The following SYT9 variants were observed in gnomAD, a reference collection of about 807,000 sequenced individuals.
The protein encoded by SYT9 is synaptotagmin-9.
In SYT9, 22 loss-of-function variants were observed where a neutral mutation model predicts 48.4. The observed-to-expected ratio is 0.45, with a 90% CI of 0.32 to 0.65. The LOEUF is 0.65. Among genes scored for constraint, SYT9 ranks in the 30% least tolerant of loss-of-function variants. The probability of loss-of-function intolerance (pLI) is 0.03; values close to 1 mark genes in which losing one functional copy is unlikely to be tolerated. For synonymous variants in SYT9, 265 were observed against 245.0 expected, an observed-to-expected ratio of 1.08 and a Z score of -0.76; for missense variants, 577 against 622.0, an observed-to-expected ratio of 0.93 and a Z score of 0.77.
intron 1 of SYT9, chr11:7,238,969 G>A (rs1423989659): frequency 2.2e-6 from 1 of 455,568 alleles, no homozygotes; most frequent in Non-Finnish European, 4.4e-6. Flanking sequence ...GTGGATGGCT[G>A]TGCCTGCACC....
At chr11:7,263,503 T>C (rs1375378646) in intron 1 of SYT9, among the ~76,000 whole-genome samples, 1 of 151,900 alleles carries the variant, frequency 6.6e-6, no homozygotes, top group Non-Finnish European at 1.5e-5. Context: ...AAGGGGTGAA[T>C]AAAAATAGAA....
At chr11:7,257,343 TATC>T (rs1471617946) in intron 1 of SYT9, among the ~76,000 whole-genome samples, 1 of 152,114 alleles carries the variant, frequency 6.6e-6, no homozygotes, top group Non-Finnish European at 1.5e-5. Context: ...TCATTGAACA[TATC>T]ATAAGGCTCT....
At chr11:7,343,381 C>G (rs1344493655) in intron 3 of SYT9, among the ~76,000 whole-genome samples, 2 of 152,144 alleles carry the variant, frequency 1.3e-5, no homozygotes, top group Admixed American at 6.5e-5. Context: ...TTTTTTCTGC[C>G]AGATACCCTA....
At chr11:7,376,763 T>C (rs2134039076) in intron 3 of SYT9, among the ~76,000 whole-genome samples, 1 of 152,070 alleles carries the variant, frequency 6.6e-6, no homozygotes, top group South Asian at 2.1e-4. Flanking sequence ...CTCATAGGAA[T>C]TTTTAACACA....
At chr11:7,402,164 T>C (rs1042663670) in intron 3 of SYT9, among the ~76,000 whole-genome samples, 4 of 152,190 alleles carry the variant, frequency 2.6e-5, no homozygotes, top group African/African-American at 9.6e-5. Context: ...TATGAGTAAA[T>C]TTTAATTTCA....
intron 1 of SYT9, among the ~76,000 whole-genome samples, chr11:7,287,767 A>G (rs1848622826): frequency 6.6e-6 from 1 of 152,084 alleles, no homozygotes; most frequent in South Asian, 2.1e-4. Flanking sequence ...TTTAACTGCA[A>G]CTTTTTCTTT....
At chr11:7,263,128 T>C (rs1200200328) in intron 1 of SYT9, among the ~76,000 whole-genome samples, 3 of 152,106 alleles carry the variant, frequency 2.0e-5, no homozygotes, top group Non-Finnish European at 4.4e-5. Flanking sequence ...AACCAAAAAA[T>C]CTAGATGAGC....
intron 6 of SYT9, among the ~76,000 whole-genome samples, chr11:7,433,969 C>T (rs367954999): frequency 3.4e-4 from 52 of 152,236 alleles, no homozygotes; most frequent in African/African-American, 1.3e-3. Context: ...AAGAGAAAGA[C>T]AGGAATTGGA....
intron 1 of SYT9, among the ~76,000 whole-genome samples, chr11:7,294,588 C>G (rs538149939): frequency 6.6e-6 from 1 of 152,148 alleles, no homozygotes; most frequent in African/African-American, 2.4e-5. Context: ...GGTAACAGGT[C>G]CTGGGTAAGT....
intron 2 of SYT9, among the ~76,000 whole-genome samples, chr11:7,307,615 C>T (rs1849056383): frequency 1.3e-5 from 2 of 152,202 alleles, no homozygotes; most frequent in African/African-American, 4.8e-5. Context: ...AAAAGACCCA[C>T]AGCAAGAGCA....
At position 7,369,794 on chromosome 11, in the gene SYT9, AACACACACAC is replaced by A. The variant is rs58554896; in HGVS notation, c.1045-46228_1045-46219del. On this transcript the variant is annotated intron_variant, in intron 3 of 6. Coordinates refer to ENST00000318881, the MANE Select transcript of SYT9 (RefSeq NM_175733.4). ...CATACACACCACACACACACACACA[AACACACACAC>A]ACACACACACACACACACAAAGACA... Among the ~76,000 whole-genome samples, 453 of 143,982 alleles carry A rather than the reference AACACACACAC, an allele frequency of 3.1e-3. 3 individuals are homozygous for A. The highest frequency in any genetic ancestry group is 0.011 in the African/African-American group (414 of 38,872). The allele number at this position is 143,982 out of a possible 152,430, so 94.5% of individuals were successfully genotyped here.
intron 1 of SYT9, among the ~76,000 whole-genome samples, chr11:7,298,946 G>T (rs1247750076): frequency 6.6e-6 from 1 of 152,138 alleles, no homozygotes; most frequent in East Asian, 1.9e-4. Flanking sequence ...TAGGGATTTG[G>T]ATCAGAACTG....
At chr11:7,255,163 A>G (rs1249049584) in intron 1 of SYT9, among the ~76,000 whole-genome samples, 1 of 152,234 alleles carries the variant, frequency 6.6e-6, no homozygotes, top group Non-Finnish European at 1.5e-5. Context: ...GGTGTTTTAT[A>G]TGTTAATGAT....
intron 3 of SYT9, among the ~76,000 whole-genome samples, chr11:7,366,518 A>T (rs1165231806): frequency 6.6e-6 from 1 of 152,208 alleles, no homozygotes; most frequent in Non-Finnish European, 1.5e-5. Context: ...TATTATAGAC[A>T]TCCATATTAA....
intron 3 of SYT9, among the ~76,000 whole-genome samples, chr11:7,405,092 TA>T (rs10706521): frequency 0.24 from 30,799 of 130,126 alleles, 3,446 homozygotes; most frequent in East Asian, 0.42. Flanking sequence ...CTGTCAAGGT[TA>T]AAAAAAAAAA....
intron 3 of SYT9, among the ~76,000 whole-genome samples, chr11:7,333,796 G>A (rs1849585392): frequency 6.6e-6 from 1 of 152,156 alleles, no homozygotes; most frequent in Non-Finnish European, 1.5e-5. Context: ...TTCAACAAAT[G>A]TTTTTGAATA....
At chr11:7,260,104 A>C (rs189468690) in intron 1 of SYT9, among the ~76,000 whole-genome samples, 70 of 152,264 alleles carry the variant, frequency 4.6e-4, no homozygotes, top group Admixed American at 3.0e-3. Context: ...AATTCCAAAA[A>C]CATTTATTGA....
intron 3 of SYT9, among the ~76,000 whole-genome samples, chr11:7,335,051 A>G (rs1277234234): frequency 1.3e-5 from 2 of 152,080 alleles, no homozygotes; most frequent in Non-Finnish European, 2.9e-5. Context: ...AAATTGCTAA[A>G]CTGTTTACCA....
At chr11:7,346,393 C>T (rs1849802105) in intron 3 of SYT9, among the ~76,000 whole-genome samples, 1 of 152,192 alleles carries the variant, frequency 6.6e-6, no homozygotes. Context: ...ATGGATGGGA[C>T]CCAGAACAGA....
Sources: allele counts gnomAD v4.1 joint callset (sites outside exome capture counted in the v4.1 genomes callset), GRCh38; gene constraint gnomAD v4.1.1; transcripts MANE v1.5; gene names NCBI Gene and HGNC (gene_info 2026-07-23, HGNC 2026-07-21).